Variants in PRR16 observed in about 807,000 individuals in gnomAD.
PRR16 encodes the protein protein Largen.
PRR16 carries 6 observed loss-of-function variants against 18.2 expected under a neutral mutation model. The ratio of observed to expected loss-of-function variants is 0.33; its 90% CI spans 0.18 to 0.65. The LOEUF is 0.65. PRR16 is among the 30% of genes least tolerant of loss of function. The pLI, the probability that PRR16 is intolerant of heterozygous loss-of-function variation, is 0.74. For missense variants in PRR16, 412 were observed against 376.6 expected (o/e 1.09, Z -0.78); for synonymous variants, 151 against 147.8 (o/e 1.02, Z -0.16).
At chr5:120,517,057 C>T (rs1266048295) in intron 1 of PRR16, among the ~76,000 whole-genome samples, 1 of 152,098 alleles carries the variant, frequency 6.6e-6, no homozygotes, top group Non-Finnish European at 1.5e-5. Flanking sequence ...TGGGATTTCC[C>T]TGAGTCAGAG....
intron 1 of PRR16, among the ~76,000 whole-genome samples, chr5:120,666,580 A>G (rs1390830265): frequency 6.6e-6 from 1 of 152,054 alleles, no homozygotes; most frequent in African/African-American, 2.4e-5. Context: ...ATTCAGTATG[A>G]TATTGGCTGT....
At chr5:120,671,406 A>G (rs1009435747) in intron 1 of PRR16, among the ~76,000 whole-genome samples, 1 of 152,092 alleles carries the variant, frequency 6.6e-6, no homozygotes, top group Non-Finnish European at 1.5e-5. Context: ...TTACCTTTAC[A>G]TGCAGTAGTG....
intron 1 of PRR16, among the ~76,000 whole-genome samples, chr5:120,622,661 T>A (rs985068778): frequency 6.6e-6 from 1 of 151,910 alleles, no homozygotes; most frequent in African/African-American, 2.4e-5. Flanking sequence ...GTATTTTTAG[T>A]AGAGACAGAG....
chr5:120,761,867 TC>T, the PRR16 span, among the ~76,000 whole-genome samples: 1 of 152,024 alleles, frequency 6.6e-6, no homozygotes, highest in South Asian at 2.1e-4. Context: ...TTCATTTACC[TC>T]CCCCCAAAAA....
chr5:120,470,967 C>T (rs1749250158), intron 1 of PRR16, among the ~76,000 whole-genome samples: 1 of 152,078 alleles, frequency 6.6e-6, no homozygotes, highest in Non-Finnish European at 1.5e-5. Context: ...ATTCTCAATT[C>T]ATATTGCCAA....
intron 1 of PRR16, among the ~76,000 whole-genome samples, chr5:120,683,158 T>C (rs962369870): frequency 5.3e-5 from 8 of 152,126 alleles, no homozygotes; most frequent in African/African-American, 1.9e-4. Context: ...AGACAATGAC[T>C]AGAACTGACT....
the PRR16 span, among the ~76,000 whole-genome samples, chr5:120,748,656 C>T: frequency 1.3e-5 from 2 of 152,024 alleles, no homozygotes; most frequent in Non-Finnish European, 2.9e-5. Flanking sequence ...AAGAAAATGA[C>T]ATTTGAGCTA....
intron 1 of PRR16, among the ~76,000 whole-genome samples, chr5:120,465,285 G>C (rs1241534892): frequency 6.6e-6 from 1 of 152,176 alleles, no homozygotes; most frequent in Non-Finnish European, 1.5e-5. Flanking sequence ...TCCGAACGTC[G>C]TTACCAGTAA....
At chr5:120,760,504 AC>A in the PRR16 span, among the ~76,000 whole-genome samples, 1 of 151,962 alleles carries the variant, frequency 6.6e-6, no homozygotes, top group Admixed American at 6.6e-5. Flanking sequence ...AAAACAAGAA[AC>A]CCCTTGTTTT....
intron 1 of PRR16, among the ~76,000 whole-genome samples, chr5:120,643,076 C>T (rs4895164): frequency 0.98 from 149,746 of 152,186 alleles, 73,705 homozygotes; most frequent in East Asian, 1. Flanking sequence ...AATATACTCG[C>T]AAAATATTTG....
intron 1 of PRR16, among the ~76,000 whole-genome samples, chr5:120,574,515 A>G (rs1045629669): frequency 1.3e-5 from 2 of 152,136 alleles, no homozygotes; most frequent in South Asian, 2.1e-4. Flanking sequence ...GAGGCATGAT[A>G]ATCACTTGAA....
chr5:120,708,632 A>C, the PRR16 span, among the ~76,000 whole-genome samples: 1 of 152,238 alleles, frequency 6.6e-6, no homozygotes, highest in Non-Finnish European at 1.5e-5. Flanking sequence ...GTAAGTGTAC[A>C]AAGCGATTAT....
chr5:120,502,826 A>G (rs533071977), intron 1 of PRR16, among the ~76,000 whole-genome samples: 2 of 152,318 alleles, frequency 1.3e-5, no homozygotes, highest in African/African-American at 4.8e-5. Context: ...GTCTATTGTA[A>G]AGTTAATGCT....
At chr5:120,783,490 C>T in the PRR16 span, among the ~76,000 whole-genome samples, 1 of 151,994 alleles carries the variant, frequency 6.6e-6, no homozygotes, top group Admixed American at 6.6e-5. Flanking sequence ...AGATCATTTT[C>T]TCTGTCTACC....
intron 1 of PRR16, among the ~76,000 whole-genome samples, chr5:120,486,790 T>G (rs1207222522): frequency 1.3e-5 from 2 of 152,218 alleles, no homozygotes; most frequent in East Asian, 1.9e-4. Context: ...GTCTAACATG[T>G]AAGTCTTTAA....
At chr5:120,727,030 T>C in the PRR16 span, among the ~76,000 whole-genome samples, 1 of 152,058 alleles carries the variant, frequency 6.6e-6, no homozygotes, top group African/African-American at 2.4e-5. Flanking sequence ...AGAACATCAC[T>C]GAAGCTTTCT....
intron 1 of PRR16, among the ~76,000 whole-genome samples, chr5:120,672,238 C>CTGGG (rs1756633082): frequency 7.4e-6 from 1 of 135,004 alleles, no homozygotes; most frequent in African/African-American, 2.8e-5. Context: ...GGTGAGGGGT[C>CTGGG]TGTGTGTGTG....
the PRR16 span, among the ~76,000 whole-genome samples, chr5:120,712,665 C>A: frequency 5.3e-5 from 8 of 152,012 alleles, no homozygotes; most frequent in African/African-American, 1.7e-4. Flanking sequence ...TCTGAATTAA[C>A]ATTTTTCCAA....
At chr5:120,632,191 C>T (rs1449020706) in intron 1 of PRR16, among the ~76,000 whole-genome samples, 1 of 152,180 alleles carries the variant, frequency 6.6e-6, no homozygotes, top group Admixed American at 6.5e-5. Flanking sequence ...AGAGAGAGAA[C>T]ACCACACCAA....
Sources: gnomAD v4.1 joint callset for allele counts (sites outside exome capture counted in the v4.1 genomes callset) on GRCh38, gnomAD v4.1.1 for gene constraint, MANE v1.5 for transcripts, NCBI Gene and HGNC (gene_info 2026-07-23, HGNC 2026-07-21) for gene names.